KAZN: variants seen among roughly 807,000 people sequenced by gnomAD.
The protein encoded by KAZN is kazrin.
KAZN carries 40 observed loss-of-function variants against 87.4 expected under a neutral mutation model. That is an observed-to-expected ratio of 0.46 (90% CI 0.36 to 0.60). The LOEUF (loss-of-function observed/expected upper bound fraction) is 0.60. KAZN is among the 20% of genes least tolerant of loss of function. The pLI is 0.00. For synonymous variants in KAZN, 466 were observed against 458.3 expected (o/e 1.02, Z -0.22); for missense variants, 898 against 1,073.9 (o/e 0.84, Z 2.29).
intron 1 of KAZN, among the ~76,000 whole-genome samples, chr1:14,671,488 A>T: frequency 6.8e-6 from 1 of 146,744 alleles, no homozygotes; most frequent in Admixed American, 6.7e-5. Flanking sequence ...TTCACAAAAC[A>T]TATTAAAGAC....
At chr1:14,905,119 C>T (rs563200247) in intron 1 of KAZN, among the ~76,000 whole-genome samples, 7 of 152,234 alleles carry the variant, frequency 4.6e-5, no homozygotes, top group African/African-American at 9.6e-5. Context: ...AGTGCAGTGG[C>T]GTGATCTTGG....
At chr1:14,879,811 C>G (rs1479014626) in intron 1 of KAZN, among the ~76,000 whole-genome samples, 1 of 152,188 alleles carries the variant, frequency 6.6e-6, no homozygotes, top group African/African-American at 2.4e-5. Flanking sequence ...ATCTTGTCAT[C>G]ATGGAGGTAG....
intron 1 of KAZN, among the ~76,000 whole-genome samples, chr1:14,925,681 G>C (rs1043033562): frequency 6.6e-6 from 1 of 152,102 alleles, no homozygotes; most frequent in Non-Finnish European, 1.5e-5. Context: ...GAGCACACGG[G>C]CTTATTTTCC....
intron 8 of KAZN, among the ~76,000 whole-genome samples, chr1:15,089,861 G>A (rs1022476096): frequency 2.6e-5 from 4 of 151,944 alleles, no homozygotes; most frequent in Admixed American, 2.6e-4. Flanking sequence ...ACGTTACTGG[G>A]CAGTGTTCTT....
intron 2 of KAZN, among the ~76,000 whole-genome samples, chr1:14,332,689 C>T (rs1656937622): frequency 6.6e-6 from 1 of 152,092 alleles, no homozygotes; most frequent in Admixed American, 6.6e-5. Context: ...ACTTGGACTC[C>T]AACATCTGGG....
At chr1:14,410,640 C>T (rs941286742) in intron 2 of KAZN, among the ~76,000 whole-genome samples, 1 of 152,142 alleles carries the variant, frequency 6.6e-6, no homozygotes, top group Admixed American at 6.5e-5. Context: ...CTGGATTACC[C>T]AGGCAGGCCC....
chr1:14,247,200 T>G (rs892843652), intron 2 of KAZN, among the ~76,000 whole-genome samples: 2 of 152,176 alleles, frequency 1.3e-5, no homozygotes, highest in African/African-American at 4.8e-5. Flanking sequence ...AATATTTGTT[T>G]TACTCTTCCT....
At chr1:14,503,970 C>A (rs138580483) in intron 2 of KAZN, among the ~76,000 whole-genome samples, 1 of 152,060 alleles carries the variant, frequency 6.6e-6, no homozygotes, top group African/African-American at 2.4e-5. Context: ...AAGAGAGGCA[C>A]GTAGGACAAA....
rs769576447 is a variant in KAZN, at chr1:14,960,805, G to A, written c.348G>A (p.Ser116=). 1.4e-5 allele frequency: 22 copies of A among 1,612,824 alleles called. No homozygotes were observed. Among genetic ancestry groups the A allele is most frequent in the Admixed American group, 1.7e-5 (1 of 59,890 alleles). The change falls in exon 2 of 15, where the codon TCG becomes TCA. Residue 116 remains serine (S), a synonymous_variant. Coordinates refer to ENST00000376030, the MANE Select transcript of KAZN (RefSeq NM_201628.3). The part of the protein sequence containing the change: ...SQGGKSSEVL[S]ATELRVQLAQ... ...GCGGCAAGTCCTCTGAGGTCCTCTC[G>A]GCCACCGAGCTCAGGGTCCAGCTGG... is the stretch of plus-strand genomic sequence containing the variant.
chr1:15,010,477 G>A (rs1415027110), intron 2 of KAZN, among the ~76,000 whole-genome samples: 3 of 140,652 alleles, frequency 2.1e-5, no homozygotes, highest in Non-Finnish European at 3.0e-5. Flanking sequence ...TGCAAGCTCC[G>A]CCTCCCAGGT....
At chr1:14,418,734 G>A (rs564959976) in intron 2 of KAZN, among the ~76,000 whole-genome samples, 6 of 152,136 alleles carry the variant, frequency 3.9e-5, no homozygotes, top group Non-Finnish European at 8.8e-5. Context: ...CTCAAGTAGG[G>A]CAGGCCAAAG....
At chr1:14,351,347 C>T (rs1658536901) in intron 2 of KAZN, among the ~76,000 whole-genome samples, 1 of 152,166 alleles carries the variant, frequency 6.6e-6, no homozygotes, top group Non-Finnish European at 1.5e-5. Context: ...GGGCAGATCA[C>T]GAGGTCAGGA....
chr1:14,920,365 G>T (rs116131923), intron 1 of KAZN, among the ~76,000 whole-genome samples: 3,580 of 141,710 alleles, frequency 0.025, 130 homozygotes, highest in South Asian at 0.079. Flanking sequence ...CCCAGAACCA[G>T]AGCAGCCTCC....
chr1:14,170,526 G>A (rs1411686558), intron 1 of KAZN, among the ~76,000 whole-genome samples: 1 of 152,046 alleles, frequency 6.6e-6, no homozygotes, highest in Non-Finnish European at 1.5e-5. Context: ...AAAAAATTGC[G>A]GTAAAATGCA....
In KAZN at chr1:14,996,108, G is replaced by A. The variant is rs1417885576; in HGVS notation, c.418+35233G>A. Reference sequence around the variant, plus strand: ...AGGGTCCATACCCTGCACAGCAGACGCGAGTGTGCATGTCAGTTTCCAGGC... The same window carrying A: ...AGGGTCCATACCCTGCACAGCAGACACGAGTGTGCATGTCAGTTTCCAGGC... On this transcript the variant is annotated intron_variant, in intron 2 of 14. Transcript: ENST00000376030. The surrounding 1 kb of genome is among the most constrained non-coding windows in gnomAD (Gnocchi z 5.9). 6.6e-6 allele frequency among the ~76,000 whole-genome samples: 1 copy of A among 152,116 alleles called. No individual in the cohort carries two copies. The highest frequency in any genetic ancestry group is 1.5e-5 in the Non-Finnish European group (1 of 68,026).
intron 2 of KAZN, among the ~76,000 whole-genome samples, chr1:14,220,004 C>T (rs1647057621): frequency 6.6e-6 from 1 of 152,106 alleles, no homozygotes; most frequent in African/African-American, 2.4e-5. Flanking sequence ...TGAGTATTGC[C>T]TTCTAGAAAT....
intron 2 of KAZN, among the ~76,000 whole-genome samples, chr1:14,223,496 T>G (rs970047352): frequency 6.6e-6 from 1 of 152,162 alleles, no homozygotes; most frequent in Non-Finnish European, 1.5e-5. Flanking sequence ...TCACCCATAA[T>G]GTACATTTCC....
intron 1 of KAZN, among the ~76,000 whole-genome samples, chr1:14,885,399 T>G (rs1236336834): frequency 6.6e-6 from 1 of 152,188 alleles, no homozygotes; most frequent in East Asian, 1.9e-4. Flanking sequence ...CTCCTATCAT[T>G]TGGGGTTCCC....
At chr1:15,007,731 C>T (rs1237003120) in intron 2 of KAZN, among the ~76,000 whole-genome samples, 2 of 152,246 alleles carry the variant, frequency 1.3e-5, no homozygotes, top group African/African-American at 4.8e-5. Context: ...GTGGGTATCT[C>T]CACAGCGGAG....
Sources: gnomAD v4.1 joint callset for allele counts (sites outside exome capture counted in the v4.1 genomes callset) on GRCh38, gnomAD v4.1.1 for gene constraint, Gnocchi (gnomAD v3.1) non-coding constraint, MANE v1.5 for transcripts, NCBI Gene and HGNC (gene_info 2026-07-23, HGNC 2026-07-21) for gene names.